The following CLNK variants were observed in gnomAD, a reference collection of about 807,000 sequenced individuals.
The protein encoded by CLNK is cytokine-dependent hematopoietic cell linker.
Under a neutral mutation model 68.6 loss-of-function variants are expected in CLNK, and 74 were observed. The observed-to-expected ratio is 1.08, with a 90% CI of 0.89 to 1.31. The LOEUF (loss-of-function observed/expected upper bound fraction) is 1.31. Ranked by LOEUF, CLNK falls within the 50% of genes most tolerant of loss-of-function variation. CLNK has a pLI of 0.00. For synonymous variants in CLNK, 198 were observed against 172.2 expected (o/e 1.15, Z -1.17); for missense variants, 553 against 515.3 (o/e 1.07, Z -0.71).
intron 3 of CLNK, among the ~76,000 whole-genome samples, chr4:10,591,246 CTCTG>C (rs1222472898): frequency 1.4e-4 from 21 of 152,258 alleles, no homozygotes; most frequent in African/African-American, 4.6e-4. Context: ...GAGGAGTGGA[CTCTG>C]TAATATTCTA....
chr4:10,632,823 T>C (rs1722942074), intron 2 of CLNK, among the ~76,000 whole-genome samples: 1 of 152,258 alleles, frequency 6.6e-6, no homozygotes, highest in Non-Finnish European at 1.5e-5. Flanking sequence ...TTTGCATTCG[T>C]CATGTATTAG....
intron 2 of CLNK, among the ~76,000 whole-genome samples, chr4:10,632,579 T>A (rs898208832): frequency 5.3e-5 from 8 of 152,270 alleles, no homozygotes; most frequent in Non-Finnish European, 7.3e-5. Context: ...TGCATCATTG[T>A]ACCCCTAGGT....
chr4:10,723,981 G>A, the CLNK span, among the ~76,000 whole-genome samples: 1 of 151,604 alleles, frequency 6.6e-6, no homozygotes, highest in African/African-American at 2.4e-5. Flanking sequence ...GTTTGCCCAG[G>A]GATTAATAAG....
chr4:10,689,783 C>A, the CLNK span, among the ~76,000 whole-genome samples: 3 of 92,312 alleles, frequency 3.2e-5, no homozygotes, highest in South Asian at 1.1e-3. Context: ...TGAGTGGAAA[C>A]CTGTGTTAAT....
At chr4:10,535,577 G>A (rs892172973) in intron 11 of CLNK, among the ~76,000 whole-genome samples, 1 of 152,152 alleles carries the variant, frequency 6.6e-6, no homozygotes, top group Admixed American at 6.5e-5. Flanking sequence ...ATTTTATTTG[G>A]TGCATGGACC....
intron 11 of CLNK, among the ~76,000 whole-genome samples, chr4:10,533,664 A>G (rs1475923629): frequency 6.6e-6 from 1 of 152,222 alleles, no homozygotes; most frequent in Non-Finnish European, 1.5e-5. Flanking sequence ...AGAGGTAATG[A>G]AGTAGAACAA....
chr4:10,723,373 T>A, the CLNK span, among the ~76,000 whole-genome samples: 1 of 152,166 alleles, frequency 6.6e-6, no homozygotes, highest in Non-Finnish European at 1.5e-5. Flanking sequence ...AGTTTAGGGA[T>A]CAAATGGATA....
intron 2 of CLNK, among the ~76,000 whole-genome samples, chr4:10,661,303 C>T (rs928858118): frequency 6.6e-6 from 1 of 152,164 alleles, no homozygotes; most frequent in Non-Finnish European, 1.5e-5. Flanking sequence ...ATACACATCA[C>T]CACCTAGGAA....
chr4:10,600,040 A>G (rs1721532826), intron 2 of CLNK, among the ~76,000 whole-genome samples: 1 of 152,172 alleles, frequency 6.6e-6, no homozygotes, highest in South Asian at 2.1e-4. Flanking sequence ...CATGATAGCT[A>G]AGTTTCCTGC....
At chr4:10,650,283 C>T (rs2108881670) in intron 2 of CLNK, among the ~76,000 whole-genome samples, 1 of 152,030 alleles carries the variant, frequency 6.6e-6, no homozygotes, top group South Asian at 2.1e-4. Context: ...GTCTAGTATA[C>T]ATCTAATCAA....
intron 11 of CLNK, among the ~76,000 whole-genome samples, chr4:10,536,714 T>C (rs950323446): frequency 6.6e-6 from 1 of 151,844 alleles, no homozygotes; most frequent in African/African-American, 2.4e-5. Flanking sequence ...TAAGAGAAAA[T>C]ATAATTACTC....
At chr4:10,549,580 T>C (rs555713138) in intron 8 of CLNK, among the ~76,000 whole-genome samples, 1 of 152,320 alleles carries the variant, frequency 6.6e-6, no homozygotes, top group African/African-American at 2.4e-5. Context: ...TAAGGAGTGC[T>C]TATTTATACT....
chr4:10,657,298 C>G (rs3924635), intron 2 of CLNK, among the ~76,000 whole-genome samples: 1 of 151,854 alleles, frequency 6.6e-6, no homozygotes, highest in East Asian at 1.9e-4. Context: ...ACCCACACTT[C>G]AGGATAGTTT....
At chr4:10,725,509 C>A in the CLNK span, among the ~76,000 whole-genome samples, 2 of 152,108 alleles carry the variant, frequency 1.3e-5, no homozygotes, top group African/African-American at 4.8e-5. Flanking sequence ...GTGACTACCC[C>A]CCCATAAATC....
chr4:10,563,524 T>C (rs1719977678), intron 7 of CLNK, among the ~76,000 whole-genome samples: 1 of 152,220 alleles, frequency 6.6e-6, no homozygotes, highest in Non-Finnish European at 1.5e-5. Flanking sequence ...TGAGAAATTG[T>C]TTTATACCAG....
chr4:10,556,865 C>G (rs1719692054), intron 8 of CLNK, among the ~76,000 whole-genome samples: 1 of 152,018 alleles, frequency 6.6e-6, no homozygotes, highest in Non-Finnish European at 1.5e-5. Context: ...ATCACGAGGT[C>G]AGGAGTTCGC....
chr4:10,508,222 CAG>C (rs1481011554), intron 16 of CLNK, among the ~76,000 whole-genome samples, 186 bp from the exon 17 acceptor site: 1 of 152,176 alleles, frequency 6.6e-6, no homozygotes, highest in Non-Finnish European at 1.5e-5. Context: ...GGCAGAGAGA[CAG>C]AAAAAGTTAC....
intron 11 of CLNK, among the ~76,000 whole-genome samples, chr4:10,537,657 T>A (rs1718829443): frequency 1.9e-5 from 1 of 52,386 alleles, no homozygotes; most frequent in Non-Finnish European, 3.6e-5. Flanking sequence ...CTTTCTTTCT[T>A]TCTTTCTTTC....
chr4:10,528,043 AT>A, intron 13 of CLNK, 32 bp downstream of exon 13: 2 of 1,247,950 alleles, frequency 1.6e-6, no homozygotes, highest in Admixed American at 3.4e-5. Context: ...GTCTATTAGT[AT>A]TAGGGTAAGA....
Sources: gnomAD v4.1 joint callset for allele counts (sites outside exome capture counted in the v4.1 genomes callset) on GRCh38, gnomAD v4.1.1 for gene constraint, MANE v1.5 for transcripts, NCBI Gene and HGNC (gene_info 2026-07-23, HGNC 2026-07-21) for gene names.